ZNF726: variants seen among roughly 807,000 people sequenced by gnomAD.
The protein encoded by ZNF726 is zinc finger protein 726, also known as zinc finger protein 92 pseudogene 3.
ZNF726 carries 15 observed loss-of-function variants against 11.6 expected under a neutral mutation model. The ratio of observed to expected loss-of-function variants is 1.29; its 90% CI spans 0.86 to 1.99. The LOEUF is 1.99. Among genes scored for constraint, ZNF726 ranks in the 30% most tolerant of loss-of-function variants. The pLI, the probability that ZNF726 is intolerant of heterozygous loss-of-function variation, is 0.00. For missense variants in ZNF726, 890 were observed against 725.6 expected (o/e 1.23, Z -2.60); for synonymous variants, 295 against 243.6 (o/e 1.21, Z -1.96).
At chr19:23,924,314 A>G (rs1967931015) in intron 3 of ZNF726, among the ~76,000 whole-genome samples, 2 of 151,956 alleles carry the variant, frequency 1.3e-5, no homozygotes, top group African/African-American at 2.4e-5. Flanking sequence ...TTGGCCTCTG[A>G]AAGTGCTGGG....
At chr19:23,934,559 C>A, downstream of ZNF726, 1 of 356,422 alleles carries the variant, frequency 2.8e-6, no homozygotes, top group Non-Finnish European at 5.5e-6. Context: ...TTCATACAGT[C>A]TTTCTAGAAT....
chr19:23,935,645 G>A (rs972858104), downstream of ZNF726: 2 of 304,788 alleles, frequency 6.6e-6, no homozygotes, highest in African/African-American at 2.2e-5. Context: ...ATGTGACAAA[G>A]CCTTTAAATG....
chr19:23,917,134 A>G (rs1967720545), intron 1 of ZNF726, among the ~76,000 whole-genome samples: 1 of 152,134 alleles, frequency 6.6e-6, no homozygotes, highest in African/African-American at 2.4e-5. Context: ...TATTCTTAGT[A>G]GAAATGGAGT....
chr19:23,936,628 TTGGGTTAACTTGTAA>T (rs1968236128), downstream of ZNF726, among the ~76,000 whole-genome samples: 1 of 152,120 alleles, frequency 6.6e-6, no homozygotes, highest in South Asian at 2.1e-4. Context: ...GAGAGGCTCT[TTGGGTTAACTTGTAA>T]TGTTGAGTGA....
chr19:23,936,560 T>C (rs1968234719), downstream of ZNF726, among the ~76,000 whole-genome samples: 1 of 152,054 alleles, frequency 6.6e-6, no homozygotes, highest in Non-Finnish European at 1.5e-5. Context: ...CCTTTATGAC[T>C]TTTTCTATGG....
downstream of ZNF726, among the ~76,000 whole-genome samples, chr19:23,937,287 C>T (rs189957273): frequency 0.013 from 2,000 of 151,242 alleles, 46 homozygotes; most frequent in African/African-American, 0.046. Context: ...GGGGGGCTGA[C>T]CCCCCCACCT....
chr19:23,942,409 C>T (rs780535095), intron 3 of ZNF726, among the ~76,000 whole-genome samples: 11 of 152,060 alleles, frequency 7.2e-5, no homozygotes, highest in African/African-American at 2.4e-4. Flanking sequence ...AAGTTCCATT[C>T]GCTGTTGAAT....
Position 23,932,419 on chromosome 19 carries a change from A to G in ZNF726, c.303A>G (p.Arg101=). Residue 101 remains arginine (R), a synonymous_variant, in exon 4 of 4, where the codon AGA becomes AGG. Coordinates refer to ENST00000594466, the MANE Select transcript of ZNF726 (RefSeq NM_001244038.2). ...ATTCTTTTCAAAAAGTAATACTAAG[A>G]AGATTTGAAAAATGTGGACATGAGA... ...VEDSFQKVIL[R]RFEKCGHENL... The G allele has an allele frequency of 6.4e-7, 1 of 1,560,108 alleles. No individual in the cohort carries two copies. The highest frequency in any genetic ancestry group is 8.6e-7 in the Non-Finnish European group (1 of 1,157,868).
chr19:23,915,200 C>T (rs940851694), intron 1 of ZNF726, among the ~76,000 whole-genome samples: 1 of 152,152 alleles, frequency 6.6e-6, no homozygotes, highest in Non-Finnish European at 1.5e-5. Flanking sequence ...TGTCTCTTCA[C>T]TGCGCAGTGA....
At chr19:23,938,812 G>C (rs117281550), downstream of ZNF726, among the ~76,000 whole-genome samples, 102 of 151,892 alleles carry the variant, frequency 6.7e-4, 4 homozygotes, top group East Asian at 0.018. Context: ...TTGCTATGTT[G>C]GTCAGGCTGG....
intron 3 of ZNF726, among the ~76,000 whole-genome samples, chr19:23,930,496 A>T (rs1968080868): frequency 6.6e-6 from 1 of 152,130 alleles, no homozygotes; most frequent in African/African-American, 2.4e-5. Context: ...TTTTAACTTT[A>T]TATAATTTAA....
In ZNF726 at chr19:23,932,433, G is replaced by T. The variant is rs1339804098; in HGVS notation, c.317G>T (p.Cys106Phe). ...QKVILRRFEK[C>F]GHENLQLRKG... ...GTAATACTAAGAAGATTTGAAAAAT[G>T]TGGACATGAGAATTTACAGTTAAGA... The change falls in exon 4 of 4, where the codon TGT becomes TTT. Residue 106 changes from cysteine (C) to phenylalanine (F), a missense_variant. Physicochemically the swap from Cys to Phe is radical, Grantham distance 205 (BLOSUM62 -2). Transcript: ENST00000594466. The T allele has an allele frequency of 2.6e-6, 4 of 1,567,688 alleles. No homozygotes were observed. The highest frequency in any genetic ancestry group is 3.4e-6 in the Non-Finnish European group (4 of 1,161,220).
At position 23,933,460 on chromosome 19, in the gene ZNF726, T is replaced by C. The variant is rs776497524; in HGVS notation, c.1344T>C (p.Thr448=). 8 of 1,612,548 alleles carry C rather than the reference T, an allele frequency of 5.0e-6. 1 individual carries two copies. The highest frequency in any genetic ancestry group is 1.7e-5 in the Admixed American group (1 of 59,862). Reference sequence around the variant, plus strand: ...TTACTGAACATAAGAAAATTCATACTAGAGAGAAACCCTACAAATGTGAAG... The same window carrying C: ...TTACTGAACATAAGAAAATTCATACCAGAGAGAAACCCTACAAATGTGAAG... ...SNLTEHKKIH[T]REKPYKCEEC... is the part of the protein sequence containing the mutation. Residue 448 remains threonine (T), a synonymous_variant, in exon 4 of 4, where the codon ACT becomes ACC. Coordinates refer to ENST00000594466, the MANE Select transcript of ZNF726 (RefSeq NM_001244038.2).
At chr19:23,919,750 T>G in intron 2 of ZNF726, 1 of 479,800 alleles carries the variant, frequency 2.1e-6, no homozygotes, top group Non-Finnish European at 3.3e-6. Context: ...AATATTGTTA[T>G]TCACACCTTA....
rs1968171975 is a variant in ZNF726, at chr19:23,933,696, A to G, written c.1580A>G (p.His527Arg). Residue 527 changes from histidine (H) to arginine (R), a missense_variant, in exon 4 of 4, where the codon CAT (histidine) becomes CGT (arginine). By Grantham distance (29) the His-to-Arg change is conservative. Transcript: ENST00000594466. ...ATATTGTCCTCGACCCTATCTAAACATAAGAGGATTCACACTGGAGAGAAA... is the reference window on the plus strand; with the variant it reads ...ATATTGTCCTCGACCCTATCTAAACGTAAGAGGATTCACACTGGAGAGAAA... The part of the protein sequence containing the change: ...AFILSSTLSK[H>R]KRIHTGEKPY... 6 of 1,612,412 alleles carry G rather than the reference A, an allele frequency of 3.7e-6. No homozygotes were observed. Among genetic ancestry groups the G allele is most frequent in the South Asian group, 2.2e-5 (2 of 91,082 alleles).
intron 3 of ZNF726, among the ~76,000 whole-genome samples, chr19:23,941,382 A>T (rs1159640173): frequency 6.6e-6 from 1 of 152,148 alleles, no homozygotes; most frequent in Non-Finnish European, 1.5e-5. Flanking sequence ...TTGGTTAGCT[A>T]GTATTTTGTT....
rs35185698 is a variant in ZNF726 at position 23,932,342 on chromosome 19, G to T, written c.227-1G>T. 1.5e-6 allele frequency: 2 copies of T among 1,358,854 alleles called. No individual in the cohort carries two copies. Among genetic ancestry groups the T allele is most frequent in the Non-Finnish European group, 9.5e-7 (1 of 1,051,744 alleles). 84.2% of individuals were successfully genotyped at this position (1,358,854 alleles called of 1,614,324 possible). ...AGTAAATTATTTTAATTTTTTTTTA[G>T]GTATATGTCCTCATTTTGCTCAAGA... On this transcript the variant is annotated splice_acceptor_variant, in intron 3 of 3. Coordinates refer to ENST00000594466, the MANE Select transcript of ZNF726 (RefSeq NM_001244038.2). LOFTEE classifies it high-confidence loss of function.
chr19:23,937,229 C>CG (rs1968254262), downstream of ZNF726, among the ~76,000 whole-genome samples: 3 of 147,432 alleles, frequency 2.0e-5, no homozygotes, highest in African/African-American at 7.5e-5. Flanking sequence ...GCTGGCCGGG[C>CG]AGGGGGCTGA....
intron 3 of ZNF726, chr19:23,928,327 A>T (rs1047023168): frequency 1.3e-5 from 2 of 152,172 alleles, no homozygotes; most frequent in African/African-American, 4.8e-5. Context: ...ACAGTCTATA[A>T]TGTTGTCTAG....
Sources: gnomAD v4.1 joint callset for allele counts (sites outside exome capture counted in the v4.1 genomes callset) on GRCh38, gnomAD v4.1.1 for gene constraint, MANE v1.5 for transcripts, NCBI Gene and HGNC (gene_info 2026-07-23, HGNC 2026-07-21) for gene names.